Variants in DLG2 observed in about 807,000 individuals in gnomAD.
DLG2 encodes discs large MAGUK scaffold protein 2.
A neutral mutation model predicts 132.5 loss-of-function variants in DLG2; 45 were observed. The ratio of observed to expected loss-of-function variants is 0.34; its 90% CI spans 0.27 to 0.44. The LOEUF is 0.44. Ranked by LOEUF, DLG2 falls within the 20% of genes least tolerant of loss-of-function variation. DLG2 has a pLI of 1.00. For missense variants in DLG2, 1,045 were observed against 1,196.9 expected (o/e 0.87, Z 1.87); for synonymous variants, 424 against 419.6 (o/e 1.01, Z -0.13).
chr11:84,944,879 C>A (rs549545442), intron 6 of DLG2, among the ~76,000 whole-genome samples: 3 of 152,058 alleles, frequency 2.0e-5, no homozygotes, highest in Non-Finnish European at 4.4e-5. Context: ...CTGGGATTAC[C>A]GGCGTGAGCC....
At chr11:84,735,179 T>C (rs1255050056) in intron 6 of DLG2, among the ~76,000 whole-genome samples, 1 of 152,180 alleles carries the variant, frequency 6.6e-6, no homozygotes. Flanking sequence ...GATTCCTTCT[T>C]TTTCTATTGA....
chr11:85,297,506 A>C (rs1463114941), intron 3 of DLG2, among the ~76,000 whole-genome samples: 2 of 152,210 alleles, frequency 1.3e-5, no homozygotes, highest in Non-Finnish European at 2.9e-5. Context: ...AACTATGCTG[A>C]TAGTTCCACT....
intron 4 of DLG2, among the ~76,000 whole-genome samples, chr11:85,191,162 G>GCACA (rs3067460): frequency 0.17 from 23,377 of 139,650 alleles, 1,896 homozygotes; most frequent in Middle Eastern, 0.19. Flanking sequence ...GCGCACGCGC[G>GCACA]CACACACACA....
intron 11 of DLG2, among the ~76,000 whole-genome samples, chr11:84,009,300 C>T (rs1592980408): frequency 2.6e-5 from 4 of 152,000 alleles, no homozygotes; most frequent in Admixed American, 2.6e-4. Context: ...CAAACAAACA[C>T]CACCTTCGAT....
chr11:84,149,948 G>C (rs944336450), intron 9 of DLG2, among the ~76,000 whole-genome samples: 6 of 151,960 alleles, frequency 3.9e-5, no homozygotes, highest in African/African-American at 1.5e-4. Context: ...AGTAGAGATG[G>C]GGTTTCACTA....
At chr11:84,679,715 C>G (rs558409742) in intron 6 of DLG2, among the ~76,000 whole-genome samples, 1 of 152,080 alleles carries the variant, frequency 6.6e-6, no homozygotes, top group African/African-American at 2.4e-5. Context: ...CTTCACACTT[C>G]GTCTATGAAC....
chr11:84,766,103 A>G (rs937424751), intron 6 of DLG2, among the ~76,000 whole-genome samples: 3 of 151,978 alleles, frequency 2.0e-5, no homozygotes, highest in Non-Finnish European at 4.4e-5. Context: ...CACCTAACTT[A>G]TTACTGACAC....
At chr11:85,056,941 A>G (rs2063522360) in intron 6 of DLG2, among the ~76,000 whole-genome samples, 1 of 151,944 alleles carries the variant, frequency 6.6e-6, no homozygotes, top group Non-Finnish European at 1.5e-5. Flanking sequence ...TTTAAAAAAT[A>G]CTAAAGAGAG....
At chr11:84,165,704 CCT>C (rs1396767515) in intron 8 of DLG2, among the ~76,000 whole-genome samples, 5 of 152,046 alleles carry the variant, frequency 3.3e-5, no homozygotes, top group African/African-American at 1.2e-4. Flanking sequence ...TCGAGACCAG[CCT>C]GGCCAATATG....
chr11:84,860,979 C>T (rs2083534937), intron 6 of DLG2, among the ~76,000 whole-genome samples: 1 of 151,984 alleles, frequency 6.6e-6, no homozygotes, highest in African/African-American at 2.4e-5. Context: ...TGAACATCTA[C>T]TATGTGTTCA....
chr11:83,542,673 T>C (rs2096114230), intron 19 of DLG2, among the ~76,000 whole-genome samples: 1 of 152,158 alleles, frequency 6.6e-6, no homozygotes, highest in East Asian at 1.9e-4. Context: ...AGTGGCAGCA[T>C]GAGGGAGGTG....
At chr11:83,548,418 G>A (rs1238588460) in intron 19 of DLG2, among the ~76,000 whole-genome samples, 3 of 152,142 alleles carry the variant, frequency 2.0e-5, no homozygotes, top group African/African-American at 4.8e-5. Context: ...ATTTGAAAAT[G>A]GAGGAAGCAA....
intron 7 of DLG2, among the ~76,000 whole-genome samples, chr11:84,269,144 T>G (rs1033884252): frequency 2.0e-5 from 3 of 152,214 alleles, no homozygotes; most frequent in Non-Finnish European, 4.4e-5. Context: ...TTGCATAGGA[T>G]AGTATTCAAG....
chr11:83,907,854 C>G (rs1380773416), intron 15 of DLG2, among the ~76,000 whole-genome samples: 6 of 152,128 alleles, frequency 3.9e-5, no homozygotes, highest in African/African-American at 1.4e-4. Context: ...TCTGCTGCTG[C>G]TTTGCACACA....
intron 6 of DLG2, among the ~76,000 whole-genome samples, chr11:85,041,395 A>G (rs2061852768): frequency 6.6e-6 from 1 of 151,926 alleles, no homozygotes; most frequent in Non-Finnish European, 1.5e-5. Context: ...CACTAAAGCA[A>G]TATATCAAGC....
chr11:85,193,928 C>G (rs544991779), intron 4 of DLG2, among the ~76,000 whole-genome samples: 2 of 152,232 alleles, frequency 1.3e-5, no homozygotes, highest in African/African-American at 4.8e-5. Flanking sequence ...CTCTGGGTAG[C>G]CAGGGTTATA....
chr11:84,716,572 T>C (rs1229247790), intron 6 of DLG2, among the ~76,000 whole-genome samples: 1 of 151,930 alleles, frequency 6.6e-6, no homozygotes, highest in Non-Finnish European at 1.5e-5. Context: ...GAAGGTAAAG[T>C]TGATGCCTAT....
intron 5 of DLG2, among the ~76,000 whole-genome samples, chr11:85,131,035 T>C: frequency 6.6e-6 from 1 of 151,954 alleles, no homozygotes; most frequent in Non-Finnish European, 1.5e-5. Flanking sequence ...GGGTCTGTGT[T>C]TTGTTGATTC....
At chr11:83,547,553 G>GGAA (rs2096272353) in intron 19 of DLG2, among the ~76,000 whole-genome samples, 2 of 152,088 alleles carry the variant, frequency 1.3e-5, no homozygotes, top group South Asian at 4.1e-4. Context: ...AAGGAAAATG[G>GGAA]TGGCCTTTTA....
Sources: allele counts gnomAD v4.1 joint callset (sites outside exome capture counted in the v4.1 genomes callset), GRCh38; gene constraint gnomAD v4.1.1; transcripts MANE v1.5; gene names NCBI Gene and HGNC (gene_info 2026-07-23, HGNC 2026-07-21).